TOX2: variants seen among roughly 807,000 people sequenced by gnomAD.
TOX2 encodes the protein granulosa cell HMG box 1.
Under a neutral mutation model 47.4 loss-of-function variants are expected in TOX2, and 15 were observed. The ratio of observed to expected loss-of-function variants is 0.32; its 90% CI spans 0.21 to 0.49. The LOEUF (loss-of-function observed/expected upper bound fraction) is 0.49, where lower values mean the gene tolerates loss of function less well. Among genes scored for constraint, TOX2 ranks in the 20% least tolerant of loss-of-function variants. The pLI, the probability that TOX2 is intolerant of heterozygous loss-of-function variation, is 0.99. For synonymous variants in TOX2, 290 were observed against 296.6 expected (o/e 0.98, Z 0.23); for missense variants, 622 against 673.1 (o/e 0.92, Z 0.84).
chr20:44,026,878 C>T (rs923305457), intron 3 of TOX2, among the ~76,000 whole-genome samples: 2 of 152,184 alleles, frequency 1.3e-5, no homozygotes, highest in African/African-American at 4.8e-5. Flanking sequence ...ACCCACAACT[C>T]TCCTGGGAAA....
intron 3 of TOX2, among the ~76,000 whole-genome samples, chr20:44,024,504 A>C (rs2071028654): frequency 6.6e-6 from 1 of 152,150 alleles, no homozygotes; most frequent in Non-Finnish European, 1.5e-5. Flanking sequence ...TAATAATAAA[A>C]AGTTTATGGC....
At chr20:44,027,144 G>T (rs1253657826) in intron 3 of TOX2, among the ~76,000 whole-genome samples, 2 of 152,176 alleles carry the variant, frequency 1.3e-5, no homozygotes, top group Non-Finnish European at 2.9e-5. Flanking sequence ...TTTAAATGAG[G>T]GTGGCCAAAG....
intron 1 of TOX2, among the ~76,000 whole-genome samples, chr20:43,923,183 A>G (rs2145833440): frequency 6.6e-6 from 1 of 152,140 alleles, no homozygotes; most frequent in Admixed American, 6.5e-5. Context: ...ACCAGCAGAG[A>G]TGGTTATGAA....
At chr20:43,961,863 A>C (rs1569038116) in intron 1 of TOX2, among the ~76,000 whole-genome samples, 1 of 151,994 alleles carries the variant, frequency 6.6e-6, no homozygotes, top group Non-Finnish European at 1.5e-5. Context: ...TCGCGAGCCC[A>C]ATCAGATGAG....
intron 3 of TOX2, among the ~76,000 whole-genome samples, chr20:44,011,904 C>A (rs1225410794): frequency 3.3e-5 from 5 of 152,348 alleles, no homozygotes; most frequent in African/African-American, 1.2e-4. Flanking sequence ...GGTATGGCAG[C>A]TAGCAGGAGT....
At position 43,960,837 on chromosome 20, in the gene TOX2, A is replaced by G. The variant is rs75603987; in HGVS notation, c.100-12530A>G. On this transcript the variant is annotated intron_variant, in intron 1 of 8. Transcript: ENST00000341197. Reference sequence around the variant, plus strand: ...ACCTCCATGACTCCTGGTGGGAAGAATGTGGCCTAGCTCCTGGGCAGACCA... The same window carrying G: ...ACCTCCATGACTCCTGGTGGGAAGAGTGTGGCCTAGCTCCTGGGCAGACCA... Among the ~76,000 whole-genome samples, 1,108 of 152,328 alleles carry G rather than the reference A, an allele frequency of 7.3e-3. 4 individuals carry two copies. The highest frequency in any genetic ancestry group is 0.015 in the South Asian group (72 of 4,828).
chr20:44,036,392 G>C (rs2071240573), intron 3 of TOX2, among the ~76,000 whole-genome samples: 1 of 152,200 alleles, frequency 6.6e-6, no homozygotes, highest in South Asian at 2.1e-4. Context: ...GAATCCAGCT[G>C]TGCCGCCTAC....
chr20:43,924,851 C>T (rs2069147661), intron 1 of TOX2, among the ~76,000 whole-genome samples: 1 of 152,236 alleles, frequency 6.6e-6, no homozygotes, highest in Admixed American at 6.5e-5. Context: ...TGAAGTCCCT[C>T]TCACTCTCTG....
chr20:43,995,371 A>G (rs1187099582), intron 2 of TOX2, among the ~76,000 whole-genome samples: 1 of 152,188 alleles, frequency 6.6e-6, no homozygotes, highest in African/African-American at 2.4e-5. Context: ...TCATAAAATC[A>G]CTATACCCGT....
rs958876043 is a variant in TOX2 at position 44,051,563 on chromosome 20, A to G, written c.651+18A>G. Reference sequence around the variant, plus strand: ...ATTTCAAGGTATGTGCGGTGGAGGAACAGAGCCTGAAGCTGCCCTCCTGTC... The same window carrying G: ...ATTTCAAGGTATGTGCGGTGGAGGAGCAGAGCCTGAAGCTGCCCTCCTGTC... On this transcript the variant is annotated intron_variant, in intron 4 of 8. Coordinates refer to ENST00000341197, the MANE Select transcript of TOX2 (RefSeq NM_001098797.2). 3 of 1,553,380 alleles carry G rather than the reference A, an allele frequency of 1.9e-6. No individual in the cohort carries two copies. Among genetic ancestry groups the G allele is most frequent in the Non-Finnish European group, 2.6e-6 (3 of 1,145,018 alleles).
intron 3 of TOX2, among the ~76,000 whole-genome samples, chr20:44,018,348 C>G (rs1339377630): frequency 6.6e-6 from 1 of 152,162 alleles, no homozygotes; most frequent in Non-Finnish European, 1.5e-5. Flanking sequence ...GCATGCCAAG[C>G]CTAACAGGGT....
chr20:43,996,151 T>C (rs549014919), intron 2 of TOX2, among the ~76,000 whole-genome samples: 3 of 152,262 alleles, frequency 2.0e-5, no homozygotes, highest in African/African-American at 7.2e-5. Context: ...TGTTACCTTT[T>C]CTCTGCAACC....
intron 1 of TOX2, among the ~76,000 whole-genome samples, chr20:43,920,154 AT>A (rs1193559038): frequency 6.6e-6 from 1 of 152,228 alleles, no homozygotes; most frequent in African/African-American, 2.4e-5. Flanking sequence ...GCAGGCAGGA[AT>A]TCTGCCCAGC....
chr20:44,044,051 G>C (rs934990311), intron 3 of TOX2, among the ~76,000 whole-genome samples: 7 of 152,188 alleles, frequency 4.6e-5, no homozygotes, highest in Non-Finnish European at 2.9e-5. Context: ...TGATAGACTG[G>C]ATTAAGAAAA....
chr20:44,066,160 C>T (rs539870890), intron 7 of TOX2, 53 bp downstream of exon 7: 31 of 1,468,786 alleles, frequency 2.1e-5, no homozygotes, highest in Admixed American at 1.7e-4. Flanking sequence ...GGAGGGGAAG[C>T]GGCTTTGCCC....
intron 1 of TOX2, among the ~76,000 whole-genome samples, chr20:43,925,341 G>C (rs2145836642): frequency 1.3e-5 from 2 of 152,270 alleles, no homozygotes; most frequent in South Asian, 4.2e-4. Flanking sequence ...GGTGGATGTT[G>C]AGTAGAAACG....
intron 2 of TOX2, among the ~76,000 whole-genome samples, chr20:43,992,138 C>T (rs2070379125): frequency 6.6e-6 from 1 of 152,106 alleles, no homozygotes; most frequent in African/African-American, 2.4e-5. Flanking sequence ...AAGGACATTG[C>T]AGTAGAGGGA....
At chr20:43,925,722 T>C (rs1401158713) in intron 1 of TOX2, among the ~76,000 whole-genome samples, 1 of 152,232 alleles carries the variant, frequency 6.6e-6, no homozygotes, top group East Asian at 1.9e-4. Context: ...TTTGACTTCT[T>C]AGTTTCTAGC....
At chr20:43,980,184 T>C (rs1480750425) in intron 2 of TOX2, among the ~76,000 whole-genome samples, 1 of 152,212 alleles carries the variant, frequency 6.6e-6, no homozygotes, top group Admixed American at 6.5e-5. Flanking sequence ...AATGGAGTAT[T>C]ATTCAGCCAT....
Sources: gnomAD v4.1 joint callset for allele counts (sites outside exome capture counted in the v4.1 genomes callset) on GRCh38, gnomAD v4.1.1 for gene constraint, MANE v1.5 for transcripts, NCBI Gene and HGNC (gene_info 2026-07-23, HGNC 2026-07-21) for gene names.